VOPP1: variants seen among roughly 807,000 people sequenced by gnomAD.
VOPP1 encodes the protein VOPP1 WW domain binding protein.
Under a neutral mutation model 23.5 loss-of-function variants are expected in VOPP1, and 8 were observed. That is an observed-to-expected ratio of 0.34 (90% CI 0.20 to 0.61). VOPP1 has a LOEUF of 0.61. Ranked by LOEUF, VOPP1 falls within the 20% of genes least tolerant of loss-of-function variation. The pLI is 0.78. For missense variants in VOPP1, 174 were observed against 238.1 expected (o/e 0.73, Z 1.77); for synonymous variants, 83 against 97.3 (o/e 0.85, Z 0.86).
At chr7:55,520,593 T>C (rs1418411213) in intron 2 of VOPP1, among the ~76,000 whole-genome samples, 1 of 152,222 alleles carries the variant, frequency 6.6e-6, no homozygotes, top group Non-Finnish European at 1.5e-5. Flanking sequence ...TGAGAGGCTG[T>C]GACAGCAGCT....
At chr7:55,453,591 G>A (rs1791295061) in intron 4 of VOPP1, among the ~76,000 whole-genome samples, 1 of 152,180 alleles carries the variant, frequency 6.6e-6, no homozygotes. Flanking sequence ...CACGTTTATT[G>A]ATTAAGTACA....
At chr7:55,523,398 A>C (rs1310973527) in intron 1 of VOPP1, among the ~76,000 whole-genome samples, 5 of 152,190 alleles carry the variant, frequency 3.3e-5, no homozygotes, top group Non-Finnish European at 7.4e-5. Context: ...TTCCAAAAAA[A>C]AAATCACAGG....
At chr7:55,461,401 G>T (rs996347985) in intron 4 of VOPP1, among the ~76,000 whole-genome samples, 3 of 152,036 alleles carry the variant, frequency 2.0e-5, no homozygotes, top group Admixed American at 6.6e-5. Context: ...AAAAAAAATG[G>T]ATTCAGCTAG....
chr7:55,468,671 G>A (rs1193742053), downstream of VOPP1, among the ~76,000 whole-genome samples: 1 of 152,252 alleles, frequency 6.6e-6, no homozygotes, highest in Non-Finnish European at 1.5e-5. Context: ...GCCTGGGCGG[G>A]GCCGCGTCAG....
chr7:55,506,503 T>C (rs2129031697), intron 2 of VOPP1, among the ~76,000 whole-genome samples: 1 of 151,486 alleles, frequency 6.6e-6, no homozygotes, highest in East Asian at 1.9e-4. Flanking sequence ...GCCCAGCTAA[T>C]TTTTTATATT....
At chr7:55,570,879 T>G (rs892413752) in intron 1 of VOPP1, among the ~76,000 whole-genome samples, 1 of 151,904 alleles carries the variant, frequency 6.6e-6, no homozygotes, top group African/African-American at 2.4e-5. Flanking sequence ...GAGGCGGAGA[T>G]TGCAGTGAGC....
downstream of VOPP1, among the ~76,000 whole-genome samples, chr7:55,467,231 CCT>C (rs917481639): frequency 1.3e-5 from 2 of 152,224 alleles, no homozygotes; most frequent in Non-Finnish European, 2.9e-5. Flanking sequence ...GTTGAGAACC[CCT>C]GACGTAAAGC....
chr7:55,561,748 CAA>C (rs372739310), intron 1 of VOPP1: 3,344 of 295,654 alleles, frequency 0.011, no homozygotes, highest in Middle Eastern at 0.018. Flanking sequence ...TCCCCTCTTC[CAA>C]AAAAAAAAAA....
At position 55,531,223 on chromosome 7, in the gene VOPP1, A is replaced by G. The variant is rs754485031; in HGVS notation, c.55-10093T>C. On this transcript the variant is annotated intron_variant, in intron 1 of 4. Transcript: ENST00000285279. ...CTGAAAGCAGCGATAACAGATAGAA[A>G]TATCAGTGCTACTGTTATCTGCTGG... Among the ~76,000 whole-genome samples, 3 of 152,252 alleles carry G rather than the reference A, an allele frequency of 2.0e-5. No homozygotes were observed. The South Asian group carries it at 6.2e-4, about 32-fold the overall frequency.
chr7:55,543,142 C>A (rs1276008589), intron 1 of VOPP1, among the ~76,000 whole-genome samples: 1 of 152,108 alleles, frequency 6.6e-6, no homozygotes, highest in African/African-American at 2.4e-5. Context: ...GTCTCGATCT[C>A]CTGACCTCAT....
intron 4 of VOPP1, among the ~76,000 whole-genome samples, chr7:55,464,916 T>C (rs766888355): frequency 2.0e-4 from 31 of 152,242 alleles, no homozygotes; most frequent in Non-Finnish European, 3.7e-4. Context: ...CCACAAGGGC[T>C]GAGGGGCTCT....
chr7:55,537,936 T>G (rs927683449), intron 1 of VOPP1, among the ~76,000 whole-genome samples: 6 of 152,306 alleles, frequency 3.9e-5, no homozygotes, highest in African/African-American at 1.4e-4. Flanking sequence ...AGCGTGAATC[T>G]GGGCTGTCTC....
rs1791288790 is a variant in VOPP1, at chr7:55,453,343, T to C, written n.418-17169A>G. ...TTTTCCTTTGCATTCACAAGTTGGCTACCCGGTGCAAGAGGCCTAGCTTTC... is the reference window on the plus strand; with the variant it reads ...TTTTCCTTTGCATTCACAAGTTGGCCACCCGGTGCAAGAGGCCTAGCTTTC... On this transcript the variant is annotated intron_variant and non_coding_transcript_variant, in intron 4 of 4. Transcript: ENST00000462326. Among the ~76,000 whole-genome samples the C allele has an allele frequency of 2.0e-5, 3 of 152,278 alleles. No homozygotes were observed. The South Asian group carries it at 6.2e-4, about 31-fold the overall frequency.
At chr7:55,489,144 T>C (rs1326735508) in intron 4 of VOPP1, among the ~76,000 whole-genome samples, 1 of 152,180 alleles carries the variant, frequency 6.6e-6, no homozygotes. Flanking sequence ...GCTGAATTCT[T>C]CCCAAGCTCA....
intron 2 of VOPP1, among the ~76,000 whole-genome samples, chr7:55,507,710 C>T (rs575829561): frequency 6.6e-6 from 1 of 152,344 alleles, no homozygotes; most frequent in South Asian, 2.1e-4. Flanking sequence ...AGTTGGTAAT[C>T]CACATGATGT....
intron 1 of VOPP1, among the ~76,000 whole-genome samples, chr7:55,541,142 G>C (rs1021682354): frequency 6.6e-6 from 1 of 152,190 alleles, no homozygotes; most frequent in Non-Finnish European, 1.5e-5. Context: ...AGTGGGTACA[G>C]GGTTTCTTTG....
At position 55,521,856 on chromosome 7, in the gene VOPP1, C is replaced by T. The variant is rs534210449; in HGVS notation, c.55-726G>A. 1.2e-5 allele frequency: 12 copies of T among 983,794 alleles called. No homozygotes were observed. The Admixed American group carries it at 3.7e-4, about 30-fold the overall frequency. 60.9% of individuals were successfully genotyped at this position (983,794 alleles called of 1,614,324 possible). On this transcript the variant is annotated intron_variant, in intron 1 of 4. Coordinates refer to ENST00000285279, the MANE Select transcript of VOPP1 (RefSeq NM_030796.5). Reference sequence around the variant, plus strand: ...GAGGCAGGCCAGCATCCCCACTGCTCAGGGAGCTCTCTATGCAGAGATGCT... The same window carrying T: ...GAGGCAGGCCAGCATCCCCACTGCTTAGGGAGCTCTCTATGCAGAGATGCT...
chr7:55,538,457 A>G (rs990568047), intron 1 of VOPP1, among the ~76,000 whole-genome samples: 52 of 152,170 alleles, frequency 3.4e-4, no homozygotes, highest in Non-Finnish European at 6.8e-4. Flanking sequence ...TACCCTCTCA[A>G]AATCTAAACA....
In VOPP1 at chr7:55,474,388, G is replaced by A. The variant is rs541773211; in HGVS notation, c.329-1343C>T. Among the ~76,000 whole-genome samples the A allele has an allele frequency of 3.9e-5, 6 of 152,348 alleles. No individual in the cohort carries two copies. The East Asian group carries it at 1.2e-3, about 29-fold the overall frequency. Reference sequence around the variant, plus strand: ...TTAAAAAACCAAGGATTTTTAAAAAGAGGGCATTGCAACAGTCTAAGCAAG... The same window carrying A: ...TTAAAAAACCAAGGATTTTTAAAAAAAGGGCATTGCAACAGTCTAAGCAAG... On this transcript the variant is annotated intron_variant, in intron 4 of 4. Coordinates refer to ENST00000285279, the MANE Select transcript of VOPP1 (RefSeq NM_030796.5).
Sources: allele counts gnomAD v4.1 joint callset (sites outside exome capture counted in the v4.1 genomes callset), GRCh38; gene constraint gnomAD v4.1.1; transcripts MANE v1.5; gene names NCBI Gene and HGNC (gene_info 2026-07-23, HGNC 2026-07-21).